CCDC138: variants seen among roughly 807,000 people sequenced by gnomAD.
CCDC138 encodes the protein coiled-coil domain containing 138, also known as coiled-coil domain-containing protein 138.
Under a neutral mutation model 82.3 loss-of-function variants are expected in CCDC138, and 66 were observed. The observed-to-expected ratio is 0.80, with a 90% CI of 0.66 to 0.98. CCDC138 has a LOEUF of 0.98. Among genes scored for constraint, CCDC138 ranks in the 50% least tolerant of loss-of-function variants. The pLI, the probability that CCDC138 is intolerant of heterozygous loss-of-function variation, is 0.00. For synonymous variants in CCDC138, 297 were observed against 265.4 expected, an observed-to-expected ratio of 1.12 and a Z score of -1.16; for missense variants, 816 against 758.9, an observed-to-expected ratio of 1.08 and a Z score of -0.88.
At chr2:108,811,243 C>CTT (rs777748122) in intron 7 of CCDC138, among the ~76,000 whole-genome samples, 1 of 28,698 alleles carries the variant, frequency 3.5e-5, no homozygotes, top group African/African-American at 1.5e-4. Context: ...TTCTTTCTCT[C>CTT]TCTCTTTTTT....
At chr2:108,793,399 A>G (rs1277520963) in intron 4 of CCDC138, among the ~76,000 whole-genome samples, 1 of 151,986 alleles carries the variant, frequency 6.6e-6, no homozygotes, top group Non-Finnish European at 1.5e-5. Flanking sequence ...AATTGTTAAA[A>G]GAAAATAAAT....
intron 12 of CCDC138, among the ~76,000 whole-genome samples, chr2:108,854,350 A>G (rs1024224017): frequency 6.6e-6 from 1 of 151,682 alleles, no homozygotes; most frequent in South Asian, 2.1e-4. Flanking sequence ...TAAGGTTTGA[A>G]TCTTAGCTTC....
At chr2:108,821,176 G>C (rs537535916) in intron 10 of CCDC138, among the ~76,000 whole-genome samples, 1 of 152,116 alleles carries the variant, frequency 6.6e-6, no homozygotes, top group Non-Finnish European at 1.5e-5. Context: ...TGGCCAACAT[G>C]GTGAAACCCC....
chr2:108,869,213 A>G lies in CCDC138; in HGVS notation c.1694-4238A>G, dbSNP rs553624353. 3.9e-5 allele frequency among the ~76,000 whole-genome samples: 6 copies of G among 152,298 alleles called. No homozygotes were observed. The South Asian group carries it at 6.2e-4, about 16-fold the overall frequency. On this transcript the variant is annotated intron_variant, in intron 13 of 14. Transcript: ENST00000295124. ...TTGTAGGAACTATGGAAACCAGTCA[A>G]AGATCTGTAGCAACCCAGCAAATGC...
In CCDC138 at chr2:108,850,961, A is replaced by G. The variant is rs942962341; in HGVS notation, c.1516+4031A>G. ...CCTGGAGATAGTGTCAGATCCCACA[A>G]GTTGGGCACTCAAGTCTCCAAGGCT... On this transcript the variant is annotated intron_variant, in intron 12 of 14. Coordinates refer to ENST00000295124, the MANE Select transcript of CCDC138 (RefSeq NM_144978.3). Among the ~76,000 whole-genome samples, 4 of 152,180 alleles carry G rather than the reference A, an allele frequency of 2.6e-5. No homozygotes were observed. The South Asian group carries it at 8.3e-4, about 32-fold the overall frequency.
intron 10 of CCDC138, among the ~76,000 whole-genome samples, chr2:108,819,806 T>C (rs1685358661): frequency 6.6e-6 from 1 of 152,104 alleles, no homozygotes; most frequent in African/African-American, 2.4e-5. Context: ...AACAGGGACA[T>C]TGATCAAATC....
At chr2:108,805,524 G>C (rs1340542948) in intron 7 of CCDC138, among the ~76,000 whole-genome samples, 1 of 151,556 alleles carries the variant, frequency 6.6e-6, no homozygotes. Context: ...AGGAGTTCGA[G>C]ACCATCCTGG....
intron 13 of CCDC138, among the ~76,000 whole-genome samples, chr2:108,858,109 C>T (rs776578967): frequency 2.6e-5 from 4 of 152,092 alleles, no homozygotes; most frequent in South Asian, 4.2e-4. Flanking sequence ...TTTGGGAGGC[C>T]GAGGCGGGCA....
At chr2:108,856,081 A>G (rs1025230432) in intron 12 of CCDC138, among the ~76,000 whole-genome samples, 3 of 152,170 alleles carry the variant, frequency 2.0e-5, no homozygotes, top group African/African-American at 7.2e-5. Flanking sequence ...TAATGATGCA[A>G]GTATCTTACT....
chr2:108,794,542 G>T lies in CCDC138; in HGVS notation c.397G>T (p.Ala133Ser), dbSNP rs778395819. The change falls in exon 5 of 15, where the codon GCC becomes TCC. Residue 133 changes from alanine (A) to serine (S), a missense_variant and splice_region_variant. Physicochemically the swap from Ala to Ser is moderately conservative, Grantham distance 99. Transcript: ENST00000295124. Reference sequence around the variant, plus strand: ...TGCAAATGTTATTTTCTTTGCAGTTGCCTTGCCAACTAATACGACCTCATC... The same window carrying T: ...TGCAAATGTTATTTTCTTTGCAGTTTCCTTGCCAACTAATACGACCTCATC... ...KQSFKEIEKV[A>S]LPTNTTSSRP... 1.3e-6 allele frequency: 2 copies of T among 1,594,500 alleles called. No individual in the cohort carries two copies. Among genetic ancestry groups the T allele is most frequent in the African/African-American group, 2.7e-5 (2 of 74,062 alleles).
chr2:108,824,605 A>T (rs1021097244), intron 10 of CCDC138, among the ~76,000 whole-genome samples: 4 of 152,146 alleles, frequency 2.6e-5, no homozygotes, highest in South Asian at 2.1e-4. Flanking sequence ...ACTTTTTTTT[A>T]AAAAAATAAC....
In CCDC138 at chr2:108,798,409, G is replaced by C. The variant is rs748506215; in HGVS notation, c.577-19G>C. 6.3e-7 allele frequency: 1 copy of C among 1,599,480 alleles called. No individual in the cohort carries two copies. The highest frequency in any genetic ancestry group is 1.1e-5 in the South Asian group (1 of 89,264). On this transcript the variant is annotated intron_variant, in intron 5 of 14. Coordinates refer to ENST00000295124, the MANE Select transcript of CCDC138 (RefSeq NM_144978.3). ...TTTGTGACTTTTCAAGAGCATTAAA[G>C]TCTGGCATTTTGATACAGTGTGAAA...
At chr2:108,865,564 C>T (rs758463981) in intron 13 of CCDC138, among the ~76,000 whole-genome samples, 1 of 152,196 alleles carries the variant, frequency 6.6e-6, no homozygotes, top group Non-Finnish European at 1.5e-5. Flanking sequence ...CACCAATCAG[C>T]CCTGACAGAA....
At chr2:108,832,529 T>C (rs1687881882) in intron 10 of CCDC138, among the ~76,000 whole-genome samples, 1 of 152,058 alleles carries the variant, frequency 6.6e-6, no homozygotes, top group Non-Finnish European at 1.5e-5. Flanking sequence ...GTATTTTTAG[T>C]AGAGACGGGG....
chr2:108,854,441 G>T (rs929336614), intron 12 of CCDC138, among the ~76,000 whole-genome samples: 1 of 151,988 alleles, frequency 6.6e-6, no homozygotes, highest in Non-Finnish European at 1.5e-5. Context: ...TTTAATGAGA[G>T]AATTGATGTA....
intron 11 of CCDC138, among the ~76,000 whole-genome samples, chr2:108,842,488 T>G (rs1689670498): frequency 1.3e-5 from 2 of 152,124 alleles, no homozygotes; most frequent in Admixed American, 6.5e-5. Context: ...GAGTCCAGGA[T>G]GTTACCCATA....
At chr2:108,877,802 C>T (rs151181800), downstream of CCDC138, among the ~76,000 whole-genome samples, 1 of 152,242 alleles carries the variant, frequency 6.6e-6, no homozygotes, top group East Asian at 1.9e-4. Context: ...CCAGAAAAAC[C>T]TATGAGAAAA....
intron 7 of CCDC138, 51 bp downstream of exon 7, chr2:108,805,059 T>C (rs772678160): frequency 9.7e-7 from 1 of 1,030,766 alleles, no homozygotes; most frequent in Non-Finnish European, 1.3e-6. Context: ...AAGAAGTATA[T>C]TTTATATATA....
intron 13 of CCDC138, among the ~76,000 whole-genome samples, chr2:108,870,603 A>G (rs1269882429): frequency 6.6e-6 from 1 of 152,258 alleles, no homozygotes; most frequent in Non-Finnish European, 1.5e-5. Context: ...CTGCAAAGCA[A>G]CAAAAGTAAA....
Sources: allele counts gnomAD v4.1 joint callset (sites outside exome capture counted in the v4.1 genomes callset), GRCh38; gene constraint gnomAD v4.1.1; transcripts MANE v1.5; gene names NCBI Gene and HGNC (gene_info 2026-07-23, HGNC 2026-07-21).